HPSE2: variants seen among roughly 807,000 people sequenced by gnomAD.
The protein encoded by HPSE2 is inactive heparanase-2.
A neutral mutation model predicts 60.5 loss-of-function variants in HPSE2; 38 were observed. That is an observed-to-expected ratio of 0.63 (90% CI 0.48 to 0.82). HPSE2 has a LOEUF of 0.82. HPSE2 is among the 40% of genes least tolerant of loss of function. The probability of loss-of-function intolerance (pLI) is 0.00; values close to 1 mark genes in which losing one functional copy is unlikely to be tolerated. For missense variants in HPSE2, 713 were observed against 740.4 expected, an observed-to-expected ratio of 0.96 and a Z score of 0.43; for synonymous variants, 295 against 293.2, an observed-to-expected ratio of 1.01 and a Z score of -0.06.
At chr10:98,804,495 T>C (rs1950994847) in intron 3 of HPSE2, among the ~76,000 whole-genome samples, 1 of 151,936 alleles carries the variant, frequency 6.6e-6, no homozygotes, top group Non-Finnish European at 1.5e-5. Context: ...TTTCTGAAAA[T>C]AAGACATACA....
intron 11 of HPSE2, 29 bp downstream of exon 11, chr10:98,482,607 T>G (rs775866296): frequency 6.2e-7 from 1 of 1,613,684 alleles, no homozygotes; most frequent in African/African-American, 1.3e-5. Flanking sequence ...CTGCACTTGC[T>G]CCCGAGCTAT....
At chr10:98,592,947 T>C (rs926792792) in intron 9 of HPSE2, among the ~76,000 whole-genome samples, 1 of 152,206 alleles carries the variant, frequency 6.6e-6, no homozygotes, top group African/African-American at 2.4e-5. Context: ...TAATTTATCA[T>C]CAGGATTCTT....
rs1393261422 is a variant in HPSE2 at position 98,457,324 on chromosome 10, C to G, written c.*2250G>C. ...TGTCTGGACCTGTGGAGCCGCTGAG[C>G]CTTGTGGCTGAGTGGGCAGGCTCTG... is the stretch of plus-strand genomic sequence containing the variant. On this transcript the variant is annotated 3_prime_UTR_variant, in exon 12 of 12. Transcript: ENST00000370552. 1 of 152,240 alleles carries G rather than the reference C, an allele frequency of 6.6e-6. No individual in the cohort carries two copies. The highest frequency in any genetic ancestry group is 6.5e-5 in the Admixed American group (1 of 15,270). 9.4% of individuals were successfully genotyped at this position (152,240 alleles called of 1,614,324 possible).
intron 9 of HPSE2, among the ~76,000 whole-genome samples, chr10:98,519,292 T>G (rs991505359): frequency 1.3e-5 from 2 of 152,222 alleles, no homozygotes; most frequent in African/African-American, 4.8e-5. Flanking sequence ...GCTCATAGTT[T>G]AGTTGGCCCA....
At chr10:99,233,367 G>A (rs1849732142) in intron 1 of HPSE2, among the ~76,000 whole-genome samples, 1 of 152,162 alleles carries the variant, frequency 6.6e-6, no homozygotes, top group African/African-American at 2.4e-5. Context: ...GAACCGCTAG[G>A]GAAAATGAAG....
intron 6 of HPSE2, among the ~76,000 whole-genome samples, chr10:98,653,064 T>C (rs1319095785): frequency 6.6e-6 from 1 of 152,204 alleles, no homozygotes; most frequent in Non-Finnish European, 1.5e-5. Flanking sequence ...TGCATACATG[T>C]TTAGGATAAT....
At chr10:98,473,250 C>T (rs1256020878) in intron 11 of HPSE2, among the ~76,000 whole-genome samples, 1 of 151,816 alleles carries the variant, frequency 6.6e-6, no homozygotes, top group African/African-American at 2.4e-5. Context: ...TCTGGGAGGC[C>T]GAGATGGGTG....
At chr10:99,065,501 A>G (rs2135533671) in intron 3 of HPSE2, among the ~76,000 whole-genome samples, 1 of 152,350 alleles carries the variant, frequency 6.6e-6, no homozygotes, top group East Asian at 1.9e-4. Flanking sequence ...TTCAACATGA[A>G]GCCCCCACAT....
intron 3 of HPSE2, among the ~76,000 whole-genome samples, chr10:98,981,972 T>G (rs1956217571): frequency 6.6e-6 from 1 of 152,072 alleles, no homozygotes; most frequent in Non-Finnish European, 1.5e-5. Flanking sequence ...ACTTGACTAG[T>G]CACTAACCCC....
Position 98,490,056 on chromosome 10 carries a change from G to A in HPSE2, c.1461C>T (p.His487=). 6.2e-7 allele frequency: 1 copy of A among 1,614,164 alleles called. No individual in the cohort carries two copies. Among genetic ancestry groups the A allele is most frequent in the South Asian group, 1.1e-5 (1 of 91,076 alleles). ...CCATCTTTCTGAGGACTTACTTGTGGTGGTTTGTGCAGTGAGCATAAATCC... is the reference window on the plus strand; with the variant it reads ...CCATCTTTCTGAGGACTTACTTGTGATGGTTTGTGCAGTGAGCATAAATCC... The part of the protein sequence containing the change: ...KLRIYAHCTN[H]HNHNYVRGSI... Residue 487 remains histidine (H), a synonymous_variant, in exon 10 of 12, where the codon CAC becomes CAT. Coordinates refer to ENST00000370552, the MANE Select transcript of HPSE2 (RefSeq NM_021828.5).
At chr10:98,597,173 A>G (rs1945262452) in intron 9 of HPSE2, among the ~76,000 whole-genome samples, 1 of 152,124 alleles carries the variant, frequency 6.6e-6, no homozygotes, top group Admixed American at 6.5e-5. Flanking sequence ...CCTACAACAC[A>G]TGGGGATTAC....
intron 3 of HPSE2, among the ~76,000 whole-genome samples, chr10:98,975,447 G>A (rs1956061936): frequency 6.6e-6 from 1 of 151,542 alleles, no homozygotes; most frequent in African/African-American, 2.4e-5. Context: ...TTATATGGAT[G>A]GAAGACACAA....
intron 2 of HPSE2, among the ~76,000 whole-genome samples, chr10:99,184,815 TATATAGAGAGAGAGAGAGAGAGAGAG>T (rs1177703489): frequency 0.042 from 1,204 of 28,532 alleles, 29 homozygotes; most frequent in Admixed American, 0.1. Flanking sequence ...TATATATATA[TATATAGAGAGAGAGAGAGAGAGAGAG>T]AGAGAGAGAG....
At chr10:99,092,753 C>A (rs567469283) in intron 3 of HPSE2, among the ~76,000 whole-genome samples, 1 of 152,238 alleles carries the variant, frequency 6.6e-6, no homozygotes, top group Admixed American at 6.5e-5. Flanking sequence ...AATATCACCA[C>A]CAATTTTTGC....
At chr10:98,487,496 A>ATT (rs1197304465) in intron 10 of HPSE2, among the ~76,000 whole-genome samples, 4 of 152,198 alleles carry the variant, frequency 2.6e-5, no homozygotes, top group Non-Finnish European at 5.9e-5. Context: ...CATTCTTTGC[A>ATT]TTATTAATGC....
chr10:98,871,436 A>C (rs1589982581), intron 3 of HPSE2, among the ~76,000 whole-genome samples: 1 of 152,212 alleles, frequency 6.6e-6, no homozygotes, highest in East Asian at 1.9e-4. Flanking sequence ...TGGCTTAAAA[A>C]AAACTGTATA....
intron 6 of HPSE2, among the ~76,000 whole-genome samples, chr10:98,678,199 T>C (rs1947694882): frequency 7.0e-6 from 1 of 142,746 alleles, no homozygotes; most frequent in Non-Finnish European, 1.5e-5. Context: ...TGACTTTCAG[T>C]ATAAAGGGCA....
In HPSE2 at chr10:99,166,940, G is replaced by A. The variant is rs141637485; in HGVS notation, c.449-22541C>T. 3.2e-3 allele frequency among the ~76,000 whole-genome samples: 487 copies of A among 151,100 alleles called. 1 individual carries two copies. The highest frequency in any genetic ancestry group is 0.011 in the African/African-American group (458 of 41,306). ...CCAAAATTTTTTAAATGTTGACAAA[G>A]GCCAATTTATCTATTTTTCTTTTTA... On this transcript the variant is annotated intron_variant, in intron 2 of 11. Coordinates refer to ENST00000370552, the MANE Select transcript of HPSE2 (RefSeq NM_021828.5).
At chr10:98,729,525 C>T (rs915313857) in intron 4 of HPSE2, among the ~76,000 whole-genome samples, 2 of 152,054 alleles carry the variant, frequency 1.3e-5, no homozygotes, top group Non-Finnish European at 2.9e-5. Context: ...AGGAGAATGG[C>T]GTGAACCTGA....
Sources: allele counts gnomAD v4.1 joint callset (sites outside exome capture counted in the v4.1 genomes callset), GRCh38; gene constraint gnomAD v4.1.1; transcripts MANE v1.5; gene names NCBI Gene and HGNC (gene_info 2026-07-23, HGNC 2026-07-21).